CNBD1: variants seen among roughly 807,000 people sequenced by gnomAD.
CNBD1 encodes the protein cyclic nucleotide-binding domain-containing protein 1.
In CNBD1, 71 loss-of-function variants were observed where a neutral mutation model predicts 54.4. That is an observed-to-expected ratio of 1.30 (90% CI 1.08 to 1.59). The LOEUF (loss-of-function observed/expected upper bound fraction) is 1.59. Among genes scored for constraint, CNBD1 ranks in the 40% most tolerant of loss-of-function variants. The probability of loss-of-function intolerance (pLI) is 0.00; values close to 1 mark genes in which losing one functional copy is unlikely to be tolerated. For missense variants in CNBD1, 659 were observed against 518.0 expected, an observed-to-expected ratio of 1.27 and a Z score of -2.64; for synonymous variants, 182 against 170.7, an observed-to-expected ratio of 1.07 and a Z score of -0.51.
chr8:87,017,325 A>C (rs901081618), intron 4 of CNBD1, among the ~76,000 whole-genome samples: 1 of 152,226 alleles, frequency 6.6e-6, no homozygotes, highest in Non-Finnish European at 1.5e-5. Flanking sequence ...ATAAAACCAA[A>C]GACATGTAAA....
At chr8:87,276,921 C>G (rs150110773) in intron 6 of CNBD1, among the ~76,000 whole-genome samples, 1 of 151,126 alleles carries the variant, frequency 6.6e-6, no homozygotes, top group Admixed American at 6.6e-5. Context: ...GGCAGTCAGG[C>G]CTTGAGGGGC....
intron 2 of CNBD1, among the ~76,000 whole-genome samples, chr8:86,894,336 C>T (rs1808819074): frequency 6.6e-6 from 1 of 152,008 alleles, no homozygotes; most frequent in Admixed American, 6.6e-5. Flanking sequence ...GCTGGGATTA[C>T]AGGCGTGAGC....
rs6989680 is a variant in CNBD1, at chr8:87,116,922, A to C, written c.432-89071A>C. Among the ~76,000 whole-genome samples the C allele has an allele frequency of 7.3e-3, 1,115 of 152,188 alleles. 13 individuals carry two copies. Among genetic ancestry groups the C allele is most frequent in the African/African-American group, 0.026 (1,065 of 41,528 alleles). On this transcript the variant is annotated intron_variant, in intron 4 of 10. Transcript: ENST00000518476. The stretch of plus-strand genomic sequence containing the variant: ...TTTCTTAACAGTTCTTATTAAGTCT[A>C]TTATTATATTTCTTATTTACTTACT...
chr8:86,946,089 A>C (rs1053606761), intron 4 of CNBD1, among the ~76,000 whole-genome samples: 1 of 152,176 alleles, frequency 6.6e-6, no homozygotes, highest in Non-Finnish European at 1.5e-5. Context: ...CCCTATGTGA[A>C]TGTCAATCTC....
At chr8:87,176,170 T>TA (rs1047808497) in intron 4 of CNBD1, among the ~76,000 whole-genome samples, 5 of 152,216 alleles carry the variant, frequency 3.3e-5, no homozygotes, top group Admixed American at 6.5e-5. Context: ...AATATGAAGT[T>TA]AAAACCAGGT....
chr8:87,299,919 C>T (rs1376771946), intron 8 of CNBD1, among the ~76,000 whole-genome samples: 6 of 152,096 alleles, frequency 3.9e-5, no homozygotes, highest in Admixed American at 2.6e-4. Flanking sequence ...TCTCCTTCCA[C>T]ATATAACATT....
intron 10 of CNBD1, among the ~76,000 whole-genome samples, chr8:87,368,599 T>C (rs936981858): frequency 6.6e-6 from 1 of 151,804 alleles, no homozygotes; most frequent in African/African-American, 2.4e-5. Context: ...ATCAAGCCAC[T>C]TCACTCCACC....
At chr8:86,960,865 G>A (rs1464389095) in intron 4 of CNBD1, among the ~76,000 whole-genome samples, 2 of 152,184 alleles carry the variant, frequency 1.3e-5, no homozygotes, top group African/African-American at 4.8e-5. Flanking sequence ...TGATACCCAG[G>A]CAAACAGGTT....
chr8:87,379,513 G>A (rs370992725), intron 10 of CNBD1, among the ~76,000 whole-genome samples: 1 of 151,670 alleles, frequency 6.6e-6, no homozygotes, highest in East Asian at 1.9e-4. Context: ...TAAAAGAACA[G>A]AATTTATAAC....
At chr8:87,308,760 G>T (rs1035307686) in intron 8 of CNBD1, among the ~76,000 whole-genome samples, 7 of 151,868 alleles carry the variant, frequency 4.6e-5, no homozygotes, top group African/African-American at 7.3e-5. Context: ...ACCCTTCCTA[G>T]CCTCTCATAT....
chr8:87,133,675 G>A (rs1489203212), intron 4 of CNBD1, among the ~76,000 whole-genome samples: 2 of 148,768 alleles, frequency 1.3e-5, no homozygotes, highest in African/African-American at 5.0e-5. Flanking sequence ...CTTATTGATT[G>A]TTATACAACC....
At chr8:87,408,438 A>G (rs1417787383) in intron 2 of CNBD1, among the ~76,000 whole-genome samples, 1 of 151,948 alleles carries the variant, frequency 6.6e-6, no homozygotes, top group South Asian at 2.1e-4. Flanking sequence ...AATTTTTTAA[A>G]CTAACAAGTG....
intron 4 of CNBD1, among the ~76,000 whole-genome samples, chr8:86,990,760 G>A (rs1041088448): frequency 1.3e-5 from 2 of 152,036 alleles, no homozygotes; most frequent in Non-Finnish European, 2.9e-5. Flanking sequence ...AAATCACATT[G>A]AATCTATAGA....
chr8:87,243,981 T>C (rs1257007016), intron 6 of CNBD1, among the ~76,000 whole-genome samples: 10 of 152,144 alleles, frequency 6.6e-5, no homozygotes, highest in Admixed American at 5.9e-4. Context: ...ATATGAGCCC[T>C]GAAAATTTGA....
chr8:87,218,143 C>A (rs561692595), intron 5 of CNBD1, among the ~76,000 whole-genome samples: 1 of 152,046 alleles, frequency 6.6e-6, no homozygotes, highest in Non-Finnish European at 1.5e-5. Flanking sequence ...ATTTGTTCCT[C>A]CCCACTCCTG....
At chr8:86,930,533 G>T (rs1194806862) in intron 3 of CNBD1, among the ~76,000 whole-genome samples, 1 of 152,210 alleles carries the variant, frequency 6.6e-6, no homozygotes, top group Non-Finnish European at 1.5e-5. Flanking sequence ...GTTGGGACAT[G>T]TGGTCTGTGG....
chr8:87,103,530 C>CT (rs1811473454), intron 4 of CNBD1, among the ~76,000 whole-genome samples: 1 of 152,158 alleles, frequency 6.6e-6, no homozygotes, highest in African/African-American at 2.4e-5. Flanking sequence ...CCTCAGAAAA[C>CT]TTACAGTCAC....
chr8:87,348,893 G>A (rs1326783783), intron 8 of CNBD1, among the ~76,000 whole-genome samples: 58 of 152,106 alleles, frequency 3.8e-4, no homozygotes, highest in Non-Finnish European at 2.9e-5. Context: ...AAGGCCTGAT[G>A]TTTAATTTCT....
chr8:87,052,043 C>G (rs1411860577), intron 4 of CNBD1, among the ~76,000 whole-genome samples: 2 of 152,196 alleles, frequency 1.3e-5, no homozygotes, highest in Non-Finnish European at 2.9e-5. Flanking sequence ...TGCCTGGGCA[C>G]TCCCTTTTGA....
Sources: gnomAD v4.1 joint callset for allele counts (sites outside exome capture counted in the v4.1 genomes callset) on GRCh38, gnomAD v4.1.1 for gene constraint, MANE v1.5 for transcripts, NCBI Gene and HGNC (gene_info 2026-07-23, HGNC 2026-07-21) for gene names.